The following CCDC39 variants were observed in gnomAD, a reference collection of about 807,000 sequenced individuals.
CCDC39 encodes the protein coiled-coil domain-containing protein 39.
In CCDC39, 113 loss-of-function variants were observed where a neutral mutation model predicts 121.0. The ratio of observed to expected loss-of-function variants is 0.93; its 90% CI spans 0.80 to 1.09. The LOEUF (loss-of-function observed/expected upper bound fraction) is 1.09, where lower values mean the gene tolerates loss of function less well. Ranked by LOEUF, CCDC39 falls within the 50% of genes least tolerant of loss-of-function variation. The probability of loss-of-function intolerance (pLI) is 0.00; values close to 1 mark genes in which losing one functional copy is unlikely to be tolerated. For missense variants in CCDC39, 1,063 were observed against 1,074.7 expected (o/e 0.99, Z 0.15); for synonymous variants, 349 against 352.2 (o/e 0.99, Z 0.10).
Position 180,632,419 on chromosome 3 carries a change from A to C in CCDC39, c.1875-827T>G, listed in dbSNP as rs191478367. Among the ~76,000 whole-genome samples, 30 of 152,294 alleles carry C rather than the reference A, an allele frequency of 2.0e-4. No individual in the cohort carries two copies. The South Asian group carries it at 2.3e-3, about 12-fold the overall frequency. The stretch of plus-strand genomic sequence containing the variant: ...AGTAAGCTCTCTAACCATGGTGAAA[A>C]AGAAATCCTCAACCTACCAGTTTTT... On this transcript the variant is annotated intron_variant, in intron 13 of 19. Coordinates refer to ENST00000476379, the MANE Select transcript of CCDC39 (RefSeq NM_181426.2).
chr3:180,635,497 T>A (rs568245734), intron 13 of CCDC39, among the ~76,000 whole-genome samples: 1 of 152,288 alleles, frequency 6.6e-6, no homozygotes, highest in South Asian at 2.1e-4. Flanking sequence ...CAAGATACAA[T>A]GGGGGTACAG....
intron 14 of CCDC39, among the ~76,000 whole-genome samples, chr3:180,630,600 T>C (rs563839588): frequency 6.6e-6 from 1 of 152,292 alleles, no homozygotes; most frequent in South Asian, 2.1e-4. Flanking sequence ...CATCCCTTGT[T>C]TGTAGCATTT....
rs187139435 is a variant in CCDC39, at chr3:180,636,957, T to C, written c.1874+5036A>G. ...AGATGGATTAAATATTTAAATGTAA[T>C]ACTCAAAACTATAAAAACCCAGAAG... On this transcript the variant is annotated intron_variant, in intron 13 of 19. Coordinates refer to ENST00000476379, the MANE Select transcript of CCDC39 (RefSeq NM_181426.2). 1.8e-4 allele frequency among the ~76,000 whole-genome samples: 27 copies of C among 152,196 alleles called. 2 individuals are homozygous for C. Among genetic ancestry groups the C allele is most frequent in the Admixed American group, 1.7e-3 (26 of 15,274 alleles).
intron 13 of CCDC39, 98 bp downstream of exon 13, chr3:180,641,895 A>G (rs2108418718): frequency 1.2e-6 from 1 of 801,424 alleles, no homozygotes; most frequent in Non-Finnish European, 1.9e-6. Flanking sequence ...TCGAATGAGT[A>G]AAAACGATGC....
intron 14 of CCDC39, among the ~76,000 whole-genome samples, chr3:180,625,620 T>C (rs1191075687): frequency 6.6e-6 from 1 of 152,214 alleles, no homozygotes; most frequent in African/African-American, 2.4e-5. Flanking sequence ...CAGTTGCTTC[T>C]GCTAATTTTT....
chr3:180,638,813 TAAAG>T (rs1390061471), intron 13 of CCDC39, among the ~76,000 whole-genome samples: 5 of 151,924 alleles, frequency 3.3e-5, no homozygotes, highest in Non-Finnish European at 5.9e-5. Flanking sequence ...ACCTTCCAAA[TAAAG>T]AAAAGGCTAA....
chr3:180,624,018 G>A (rs1191322381), intron 14 of CCDC39, among the ~76,000 whole-genome samples: 2 of 152,108 alleles, frequency 1.3e-5, no homozygotes, highest in African/African-American at 2.4e-5. Flanking sequence ...GCCTAGTGCT[G>A]TCAGTGGGGT....
At position 180,660,636 on chromosome 3, in the gene CCDC39, T is replaced by C. The variant is rs1288781779; in HGVS notation, c.450A>G (p.Ser150=). 1.2e-5 allele frequency: 20 copies of C among 1,603,142 alleles called. No homozygotes were observed. Among genetic ancestry groups the C allele is most frequent in the Non-Finnish European group, 1.7e-5 (20 of 1,173,912 alleles). ...QQALEAWLEE[S]AHKDSDALTL... Reference sequence around the variant, plus strand: ...TGAGAGCATCACTATCTTTATGAGCTGATTCTTCTAACCAGGCCTCCAATG... The same window carrying C: ...TGAGAGCATCACTATCTTTATGAGCCGATTCTTCTAACCAGGCCTCCAATG... The change falls in exon 4 of 20, where the codon TCA becomes TCG. Residue 150 remains serine, a synonymous_variant. Coordinates refer to ENST00000476379, the MANE Select transcript of CCDC39 (RefSeq NM_181426.2).
intron 8 of CCDC39, 76 bp from the exon 9 acceptor site, chr3:180,651,609 T>C: frequency 7.5e-7 from 1 of 1,341,802 alleles, no homozygotes; most frequent in Non-Finnish European, 9.9e-7. Context: ...TAGTTTATCC[T>C]AATATTTATT....
chr3:180,657,188 T>C (rs531634340), intron 6 of CCDC39, among the ~76,000 whole-genome samples: 42 of 152,250 alleles, frequency 2.8e-4, no homozygotes, highest in Non-Finnish European at 5.0e-4. Context: ...TTTTTCAAAA[T>C]GTGTTGTTTT....
intron 14 of CCDC39, among the ~76,000 whole-genome samples, chr3:180,628,369 G>A (rs1350129684): frequency 1.3e-5 from 2 of 151,966 alleles, no homozygotes; most frequent in South Asian, 2.1e-4. Context: ...CACCACACCC[G>A]GCTAATTTTT....
rs1164672997 is a variant in CCDC39 at position 180,654,834 on chromosome 3, A to G, written c.858T>C (p.Ala286=). 2 of 1,610,404 alleles carry G rather than the reference A, an allele frequency of 1.2e-6. No homozygotes were observed. Among genetic ancestry groups the G allele is most frequent in the Non-Finnish European group, 1.7e-6 (2 of 1,178,430 alleles). ...NTEFEKRISV[A]DRKLLKCRTA... ...TTCTACATTTTAAAAGTTTACGATC[A>G]GCCACAGAAATTCTTTTCTCAAACT... The change falls in exon 7 of 20, where the codon GCT becomes GCC. Residue 286 remains alanine (A), a synonymous_variant. Coordinates refer to ENST00000476379, the MANE Select transcript of CCDC39 (RefSeq NM_181426.2).
rs746107799 is a variant in CCDC39 at position 180,679,376 on chromosome 3, C to T, written c.5G>A (p.Ser2Asn). 3.7e-6 allele frequency: 6 copies of T among 1,613,678 alleles called. No individual in the cohort carries two copies. The South Asian group carries it at 6.6e-5, about 18-fold the overall frequency. The change falls in exon 1 of 20, where the codon AGT becomes AAT. Residue 2 changes from serine (S) to asparagine (N), a missense_variant. Physicochemically the swap from Ser to Asn is conservative, Grantham distance 46. Transcript: ENST00000476379. The surrounding 1 kb of genome is among the most constrained non-coding windows in gnomAD (Gnocchi z 4.0). ...GTGCAGCTCAGCCAGGAATTCGCTA[C>T]TCATGACTGCAAACGGATAGAGAAG... The part of the protein sequence containing the change: M[S>N]SEFLAELHWE...
chr3:180,676,435 A>G (rs1333328830), intron 1 of CCDC39, among the ~76,000 whole-genome samples: 1 of 152,264 alleles, frequency 6.6e-6, no homozygotes, highest in Non-Finnish European at 1.5e-5. Context: ...AATCAAAACC[A>G]CAATGAGATA....
chr3:180,661,668 A>G (rs1478034204), intron 3 of CCDC39, among the ~76,000 whole-genome samples, 193 bp downstream of exon 3: 1 of 152,094 alleles, frequency 6.6e-6, no homozygotes, highest in African/African-American at 2.4e-5. Flanking sequence ...GAATAATGGG[A>G]AAATGTACTA....
At chr3:180,675,748 T>A (rs1327504149) in intron 1 of CCDC39, among the ~76,000 whole-genome samples, 1 of 152,092 alleles carries the variant, frequency 6.6e-6, no homozygotes, top group Non-Finnish European at 1.5e-5. Flanking sequence ...CAAACTATAC[T>A]ACAAGGCTAC....
intron 2 of CCDC39, among the ~76,000 whole-genome samples, 195 bp downstream of exon 2, chr3:180,663,669 CAAA>C (rs71182539): frequency 2.5e-5 from 3 of 118,144 alleles, no homozygotes; most frequent in Non-Finnish European, 3.6e-5. Context: ...GACTTCATCT[CAAA>C]AAAAAAAAAA....
chr3:180,660,817 G>C, intron 3 of CCDC39, 89 bp from the exon 4 acceptor site: 1 of 1,160,384 alleles, frequency 8.6e-7, no homozygotes. Context: ...ATATACTATG[G>C]AGCAAAATTA....
intron 1 of CCDC39, among the ~76,000 whole-genome samples, chr3:180,670,112 T>C (rs1295235778): frequency 5.9e-5 from 9 of 152,142 alleles, no homozygotes; most frequent in Non-Finnish European, 1.3e-4. Context: ...AAACATGTTC[T>C]AATGCAGAGG....
Sources: allele counts gnomAD v4.1 joint callset (sites outside exome capture counted in the v4.1 genomes callset), GRCh38; gene constraint gnomAD v4.1.1; non-coding constraint Gnocchi (gnomAD v3.1); transcripts MANE v1.5; gene names NCBI Gene and HGNC (gene_info 2026-07-23, HGNC 2026-07-21).